Variants in MYO18B observed in about 807,000 individuals in gnomAD.
MYO18B encodes unconventional myosin-XVIIIb.
In MYO18B, 204 loss-of-function variants were observed where a neutral mutation model predicts 273.0. The observed-to-expected ratio is 0.75, with a 90% CI of 0.67 to 0.84. MYO18B has a LOEUF of 0.84. Among genes scored for constraint, MYO18B ranks in the 40% least tolerant of loss-of-function variants. The pLI, the probability that MYO18B is intolerant of heterozygous loss-of-function variation, is 0.00. For synonymous variants in MYO18B, 1,330 were observed against 1,305.7 expected (o/e 1.02, Z -0.40); for missense variants, 3,212 against 3,287.6 (o/e 0.98, Z 0.56).
chr22:25,794,526 A>G (rs1437066106), intron 11 of MYO18B, among the ~76,000 whole-genome samples: 1 of 149,034 alleles, frequency 6.7e-6, no homozygotes, highest in African/African-American at 2.5e-5. Flanking sequence ...TTTTTTTGAG[A>G]TGGAGTCTCA....
chr22:26,051,644 A>G, the MYO18B span, among the ~76,000 whole-genome samples: 1 of 152,232 alleles, frequency 6.6e-6, no homozygotes, highest in Non-Finnish European at 1.5e-5. Context: ...AAAGACATGC[A>G]GTGAAAAATG....
chr22:25,799,131 T>TTGTGTGTGTGTGTGTGTGTG (rs61488241), intron 12 of MYO18B, among the ~76,000 whole-genome samples: 2 of 145,142 alleles, frequency 1.4e-5, no homozygotes, highest in Non-Finnish European at 3.0e-5. Context: ...GTGTTTACGT[T>TTGTGTGTGTGTGTGTGTGTG]TGTGTGTGTG....
At chr22:25,859,098 T>C (rs1455214357) in intron 21 of MYO18B, among the ~76,000 whole-genome samples, 2 of 152,234 alleles carry the variant, frequency 1.3e-5, no homozygotes, top group Non-Finnish European at 2.9e-5. Context: ...ATAATAAATG[T>C]AATCAATTAT....
chr22:25,749,326 C>T (rs916073568), intron 1 of MYO18B, among the ~76,000 whole-genome samples: 1 of 152,170 alleles, frequency 6.6e-6, no homozygotes, highest in Non-Finnish European at 1.5e-5. Flanking sequence ...GAATACCTTA[C>T]TAGCCTTGGG....
chr22:25,768,634 A>G lies in MYO18B; in HGVS notation c.718A>G (p.Ile240Val), dbSNP rs2060087463. ...GAAAAAAGGCGAGGAGGGTCAAAGCATAGTGGGGAAGGGGCTTGGGACCCC... is the reference window on the plus strand; with the variant it reads ...GAAAAAAGGCGAGGAGGGTCAAAGCGTAGTGGGGAAGGGGCTTGGGACCCC... ...ALKKGEEGQS[I>V]VGKGLGTPKT... Residue 240 changes from isoleucine (I) to valine (V), a missense_variant, in exon 4 of 44, where the codon ATA (isoleucine) becomes GTA (valine). By Grantham distance (29) the Ile-to-Val change is conservative. Transcript: ENST00000335473. The G allele has an allele frequency of 2.6e-6, 4 of 1,530,016 alleles. No individual in the cohort carries two copies. The highest frequency in any genetic ancestry group is 4.5e-5 in the East Asian group (2 of 44,266). 94.8% of individuals were successfully genotyped at this position (1,530,016 alleles called of 1,614,324 possible).
intron 34 of MYO18B, among the ~76,000 whole-genome samples, chr22:25,939,394 T>C (rs1004212120): frequency 1.3e-5 from 2 of 152,266 alleles, no homozygotes; most frequent in Non-Finnish European, 2.9e-5. Context: ...ATCTTAAGCA[T>C]GTTCCATCTT....
chr22:25,826,379 C>G (rs780239754), intron 13 of MYO18B, 30 bp from the exon 14 acceptor site: 49 of 1,582,768 alleles, frequency 3.1e-5, no homozygotes, highest in Non-Finnish European at 3.9e-5. Flanking sequence ...GATCCCTAAC[C>G]AAGAATGCTG....
intron 13 of MYO18B, among the ~76,000 whole-genome samples, chr22:25,823,958 T>C (rs1255980853): frequency 1.3e-5 from 2 of 152,136 alleles, no homozygotes; most frequent in Non-Finnish European, 2.9e-5. Context: ...GATGGACCAA[T>C]GCATTTCCAT....
intron 28 of MYO18B, chr22:25,896,219 T>C (rs1021828221): frequency 6.6e-6 from 1 of 152,206 alleles, no homozygotes; most frequent in Non-Finnish European, 1.5e-5. Flanking sequence ...TTAAAATTCT[T>C]ACGAGAGTAC....
At chr22:25,926,219 A>T (rs573065744) in intron 34 of MYO18B, among the ~76,000 whole-genome samples, 1 of 152,198 alleles carries the variant, frequency 6.6e-6, no homozygotes, top group African/African-American at 2.4e-5. Flanking sequence ...AGAAAAGAAA[A>T]AAAAAGAAAT....
rs200755716 is a variant in MYO18B, at chr22:25,847,637, C to T, written c.3760C>T (p.Arg1254Cys). 1.5e-4 allele frequency: 231 copies of T among 1,557,972 alleles called. No individual in the cohort carries two copies. The highest frequency in any genetic ancestry group is 2.1e-4 in the Middle Eastern group (1 of 4,744). The change falls in exon 20 of 44, where the codon CGT (arginine) becomes TGT (cysteine). Residue 1254 changes from arginine (R) to cysteine (C), a missense_variant. Coordinates refer to ENST00000335473, the MANE Select transcript of MYO18B (RefSeq NM_032608.7). ...TGGGTTCCACATCCTGGAGGCTCTGCGTCTGCATAGGACAGGTAAGAGACA... is the reference window on the plus strand; with the variant it reads ...TGGGTTCCACATCCTGGAGGCTCTGTGTCTGCATAGGACAGGTAAGAGACA... ...LAGFHILEAL[R>C]LHRTGYADHM... is the part of the protein sequence containing the mutation.
intron 21 of MYO18B, among the ~76,000 whole-genome samples, chr22:25,856,238 T>G (rs1207043938): frequency 6.6e-6 from 1 of 152,196 alleles, no homozygotes; most frequent in Non-Finnish European, 1.5e-5. Flanking sequence ...GCCATGCTAA[T>G]GGGTGTGAGA....
At chr22:26,034,989 G>C (rs1936750962), downstream of MYO18B, among the ~76,000 whole-genome samples, 1 of 152,212 alleles carries the variant, frequency 6.6e-6, no homozygotes, top group Non-Finnish European at 1.5e-5. Context: ...TTTACTGTGG[G>C]GGACGGGTAA....
chr22:25,985,760 G>T (rs1447301884), intron 39 of MYO18B, among the ~76,000 whole-genome samples: 2 of 151,990 alleles, frequency 1.3e-5, no homozygotes, highest in Non-Finnish European at 2.9e-5. Context: ...CTCCTGAGTA[G>T]CTGGGACTAC....
At chr22:25,888,856 A>G (rs76435293) in intron 25 of MYO18B, among the ~76,000 whole-genome samples, 5,711 of 152,298 alleles carry the variant, frequency 0.037, 319 homozygotes, top group African/African-American at 0.12. Context: ...GATGCGGTCA[A>G]CAGGGTGGGA....
rs576975215 is a variant in MYO18B, at chr22:26,018,156, C to T, written c.6471-8289C>T. On this transcript the variant is annotated intron_variant, in intron 42 of 43. Transcript: ENST00000335473. ...AGGCAGGTGTCCACTCAGGGCAGCT[C>T]GATGGATTGGTTTGTAAAATTGTCA... Among the ~76,000 whole-genome samples, 6 of 152,062 alleles carry T rather than the reference C, an allele frequency of 3.9e-5. No homozygotes were observed. In the East Asian group the frequency reaches 5.8e-4, roughly 15 times the overall value.
At chr22:25,816,591 G>T (rs375804540) in intron 12 of MYO18B, among the ~76,000 whole-genome samples, 33 of 151,704 alleles carry the variant, frequency 2.2e-4, no homozygotes, top group Middle Eastern at 3.4e-3. Flanking sequence ...AGAACATGTG[G>T]TGTTTGGTTT....
intron 34 of MYO18B, among the ~76,000 whole-genome samples, chr22:25,944,806 C>T (rs542968778): frequency 3.8e-4 from 56 of 146,740 alleles, no homozygotes; most frequent in African/African-American, 1.3e-3. Context: ...GAGATCGTGG[C>T]ACTGCACTCC....
chr22:25,795,325 A>T (rs2087862052), intron 11 of MYO18B, among the ~76,000 whole-genome samples: 1 of 152,236 alleles, frequency 6.6e-6, no homozygotes, highest in Non-Finnish European at 1.5e-5. Flanking sequence ...GACTGTTTTC[A>T]TGATCCTAAT....
Sources: gnomAD v4.1 joint callset for allele counts (sites outside exome capture counted in the v4.1 genomes callset) on GRCh38, gnomAD v4.1.1 for gene constraint, MANE v1.5 for transcripts, NCBI Gene and HGNC (gene_info 2026-07-23, HGNC 2026-07-21) for gene names.